TARS3: variants seen among roughly 807,000 people sequenced by gnomAD.
The protein encoded by TARS3 is threonine--tRNA ligase 2, cytoplasmic.
A neutral mutation model predicts 103.5 loss-of-function variants in TARS3; 94 were observed. The observed-to-expected ratio is 0.91, with a 90% CI of 0.77 to 1.08. The LOEUF is 1.08. TARS3 is among the 50% of genes least tolerant of loss of function. The pLI is 0.00. For synonymous variants in TARS3, 416 were observed against 355.4 expected (o/e 1.17, Z -1.92); for missense variants, 952 against 995.2 (o/e 0.96, Z 0.58).
At chr15:101,705,650 A>C (rs1249152343) in intron 7 of TARS3, 33 bp downstream of exon 7, 1 of 1,590,978 alleles carries the variant, frequency 6.3e-7, no homozygotes, top group South Asian at 1.1e-5. Flanking sequence ...CAAGTTTACC[A>C]CTGAGCAGCG....
intron 12 of TARS3, among the ~76,000 whole-genome samples, chr15:101,683,443 T>G (rs1422386235): frequency 6.6e-6 from 1 of 152,266 alleles, no homozygotes; most frequent in African/African-American, 2.4e-5. Flanking sequence ...TCACTGAGAC[T>G]TGTTTTATGG....
At chr15:101,673,379 T>C (rs1262798043) in intron 13 of TARS3, among the ~76,000 whole-genome samples, 1 of 152,174 alleles carries the variant, frequency 6.6e-6, no homozygotes, top group Non-Finnish European at 1.5e-5. Context: ...TACCAACACC[T>C]GACATCTACT....
Position 101,671,715 on chromosome 15 carries a change from G to A in TARS3, c.1822C>T (p.Pro608Ser). Residue 608 changes from proline (P) to serine (S), a missense_variant, in exon 14 of 19, where the codon CCG (proline) becomes TCG (serine). By Grantham distance (74) the Pro-to-Ser change is moderately conservative (BLOSUM62 -1). Around this residue, in one of 2 missense-constraint regions of TARS3, gnomAD observed 540 missense variants for 631.0 expected, o/e 0.86. Transcript: ENST00000335968. Reference protein sequence around the residue: ...LQNSLMDFGEPWKMNPGDGAF... With the variant: ...LQNSLMDFGESWKMNPGDGAF... ...CCATCTCCTGGGTTCATTTTCCACG[G>A]TTCTCCAAAGTCCATCAAGCTGTTC... 1.2e-6 allele frequency: 2 copies of A among 1,613,942 alleles called. No individual in the cohort carries two copies. The highest frequency in any genetic ancestry group is 1.7e-5 in the Admixed American group (1 of 60,004).
At chr15:101,692,055 T>C (rs1397329413) in intron 10 of TARS3, among the ~76,000 whole-genome samples, 1 of 152,232 alleles carries the variant, frequency 6.6e-6, no homozygotes, top group Non-Finnish European at 1.5e-5. Context: ...ATGTATCTTG[T>C]TGGTTCTGTT....
intron 12 of TARS3, among the ~76,000 whole-genome samples, chr15:101,679,456 T>C (rs1197455954): frequency 6.6e-6 from 1 of 152,114 alleles, no homozygotes; most frequent in East Asian, 1.9e-4. Flanking sequence ...TTGGTTCTTC[T>C]TTATATCTTC....
At position 101,684,293 on chromosome 15, in the gene TARS3, T is replaced by G. The variant is rs557134956; in HGVS notation, c.1488-56A>C. On this transcript the variant is annotated intron_variant, in intron 11 of 18. Coordinates refer to ENST00000335968, the MANE Select transcript of TARS3 (RefSeq NM_152334.3). The stretch of plus-strand genomic sequence containing the variant: ...ACACAGCACAGAAATATTAAATAAT[T>G]ATCTAAATATAAAGAAATTACAATT... 18 of 1,433,316 alleles carry G rather than the reference T, an allele frequency of 1.3e-5. No homozygotes were observed. The African/African-American group carries it at 2.5e-4, about 20-fold the overall frequency. The allele number at this position is 1,433,316 out of a possible 1,614,324, so 88.8% of individuals were successfully genotyped here. A position where few individuals can be genotyped will look rare whatever the true frequency, so the allele number is the denominator to read the frequency against.
In TARS3 at chr15:101,686,047, G is replaced by A. The variant is rs766995224; in HGVS notation, c.1336C>T (p.Arg446Trp). 18 of 1,606,778 alleles carry A rather than the reference G, an allele frequency of 1.1e-5. No individual in the cohort carries two copies. Among genetic ancestry groups the A allele is most frequent in the East Asian group, 2.2e-5 (1 of 44,730 alleles). ...TDFIREEYHK[R>W]DFTEVLSPNM... ...GGAGAGAGCACCTCCGTGAAGTCCC[G>A]TTTGTGATATTCCTCCTTCAAGATA... The change falls in exon 11 of 19, where the codon CGG becomes TGG. Residue 446 changes from arginine to tryptophan, a missense_variant. By Grantham distance (101) the Arg-to-Trp change is moderately radical. Around this residue, in one of 2 missense-constraint regions of TARS3, gnomAD observed 540 missense variants for 631.0 expected, o/e 0.86. Transcript: ENST00000335968.
intron 10 of TARS3, among the ~76,000 whole-genome samples, chr15:101,696,584 C>G (rs1898993904): frequency 6.6e-6 from 1 of 152,130 alleles, no homozygotes; most frequent in Admixed American, 6.6e-5. Flanking sequence ...GAATTTTGCA[C>G]TGGATGTAGG....
intron 10 of TARS3, among the ~76,000 whole-genome samples, chr15:101,693,144 C>T (rs960258339): frequency 1.3e-5 from 2 of 152,178 alleles, no homozygotes; most frequent in African/African-American, 4.8e-5. Flanking sequence ...AATAGTTTGG[C>T]ATTTTCTTAT....
intron 14 of TARS3, 32 bp from the exon 15 acceptor site, chr15:101,671,618 A>G: frequency 6.2e-7 from 1 of 1,609,844 alleles, no homozygotes; most frequent in Middle Eastern, 1.7e-4. Flanking sequence ...CTCAGAAAAG[A>G]GTATTTATTT....
At chr15:101,688,151 A>G (rs1026227870) in intron 10 of TARS3, among the ~76,000 whole-genome samples, 3 of 152,218 alleles carry the variant, frequency 2.0e-5, no homozygotes, top group Non-Finnish European at 2.9e-5. Flanking sequence ...TGTAATATAC[A>G]TATTGTTTTG....
intron 12 of TARS3, 144 bp from the exon 13 acceptor site, chr15:101,675,881 C>G: frequency 1.1e-6 from 1 of 909,160 alleles, no homozygotes; most frequent in Non-Finnish European, 1.6e-6. Flanking sequence ...CTTATCCAAT[C>G]CTGAGCTGAA....
chr15:101,666,394 T>C (rs1423055166), intron 15 of TARS3, among the ~76,000 whole-genome samples: 1 of 147,836 alleles, frequency 6.8e-6, no homozygotes, highest in Non-Finnish European at 1.5e-5. Flanking sequence ...AAGAATTGCT[T>C]GAACCCAGGA....
chr15:101,687,222 A>T (rs1485584032), intron 10 of TARS3, among the ~76,000 whole-genome samples: 2 of 151,940 alleles, frequency 1.3e-5, no homozygotes, highest in African/African-American at 4.8e-5. Context: ...GGCTAACATG[A>T]TGAAACCCCA....
At chr15:101,690,486 A>G (rs1898667013) in intron 10 of TARS3, among the ~76,000 whole-genome samples, 1 of 152,092 alleles carries the variant, frequency 6.6e-6, no homozygotes, top group Admixed American at 6.6e-5. Flanking sequence ...CCTCTCCTCC[A>G]TGACTGTGCA....
In TARS3 at chr15:101,714,879, A is replaced by G; in HGVS notation, c.651T>C (p.Ser217=). Residue 217 remains serine, a synonymous_variant, in exon 4 of 19, where the codon TCT becomes TCC. Transcript: ENST00000335968. The stretch of plus-strand genomic sequence containing the variant: ...CATTATCAAATGTAAGCAGCTCTAG[A>G]GAAGAGTCCCCTTCCAATGGGCGGT... ...DLDRPLEGDS[S]LELLTFDNEE... is the part of the protein sequence containing the mutation. The G allele has an allele frequency of 1.2e-6, 2 of 1,613,244 alleles. No individual in the cohort carries two copies. Among genetic ancestry groups the G allele is most frequent in the Non-Finnish European group, 8.5e-7 (1 of 1,179,522 alleles).
At chr15:101,683,970 T>G in intron 12 of TARS3, 105 bp downstream of exon 12, 1 of 1,172,718 alleles carries the variant, frequency 8.5e-7, no homozygotes, top group Non-Finnish European at 1.2e-6. Context: ...TCTCAGAGAC[T>G]AGACCAAACG....
chr15:101,688,940 G>A (rs1032035697), intron 10 of TARS3, among the ~76,000 whole-genome samples: 1 of 152,158 alleles, frequency 6.6e-6, no homozygotes, highest in African/African-American at 2.4e-5. Context: ...TCCTATGTCT[G>A]TGGCTTTTTT....
In TARS3 at chr15:101,724,228, C is replaced by T; in HGVS notation, c.160G>A (p.Val54Met). 1 of 1,546,428 alleles carries T rather than the reference C, an allele frequency of 6.5e-7. No homozygotes were observed. The highest frequency in any genetic ancestry group is 1.4e-5 in the African/African-American group (1 of 71,282). ...CAGTTCTCGGCCCGGAGCTGCGCCA[C>T]CTCCCGCGTGAGGCACGGCCCCTCC... ...QAEGPCLTRE[V>M]AQLRAENCDL... The change falls in exon 1 of 19, where the codon GTG becomes ATG. Residue 54 changes from valine to methionine, a missense_variant. Val to Met is a conservative substitution (Grantham distance 21). Transcript: ENST00000335968.
Sources: gnomAD v4.1 joint callset for allele counts (sites outside exome capture counted in the v4.1 genomes callset) on GRCh38, gnomAD v4.1.1 for gene constraint, gnomAD v4.1.1 regional missense constraint, MANE v1.5 for transcripts, NCBI Gene and HGNC (gene_info 2026-07-23, HGNC 2026-07-21) for gene names.